TMPRSS15: variants seen among roughly 807,000 people sequenced by gnomAD.
TMPRSS15 encodes enteropeptidase.
Under a neutral mutation model 125.3 loss-of-function variants are expected in TMPRSS15, and 128 were observed. The ratio of observed to expected loss-of-function variants is 1.02; its 90% CI spans 0.89 to 1.18. TMPRSS15 has a LOEUF of 1.18. Ranked by LOEUF, TMPRSS15 falls within the 50% of genes most tolerant of loss-of-function variation. The pLI, the probability that TMPRSS15 is intolerant of heterozygous loss-of-function variation, is 0.00. For missense variants in TMPRSS15, 1,283 were observed against 1,212.7 expected, an observed-to-expected ratio of 1.06 and a Z score of -0.86; for synonymous variants, 446 against 423.2, an observed-to-expected ratio of 1.05 and a Z score of -0.66.
intron 1 of TMPRSS15, among the ~76,000 whole-genome samples, chr21:18,473,315 T>A (rs1978816170): frequency 6.6e-6 from 1 of 152,160 alleles, no homozygotes; most frequent in African/African-American, 2.4e-5. Flanking sequence ...AAATCTGCAT[T>A]TGGTTATTAG....
chr21:18,399,567 G>A (rs1275336585), intron 1 of TMPRSS15, among the ~76,000 whole-genome samples: 1 of 152,072 alleles, frequency 6.6e-6, no homozygotes, highest in Non-Finnish European at 1.5e-5. Context: ...TCTTATATAG[G>A]AATCTGCATT....
chr21:18,326,686 G>C, intron 15 of TMPRSS15, 114 bp from the exon 16 acceptor site: 1 of 1,183,110 alleles, frequency 8.5e-7, no homozygotes, highest in Non-Finnish European at 1.2e-6. Context: ...TACATGGCTC[G>C]CTCATAGAGC....
intron 15 of TMPRSS15, 134 bp from the exon 16 acceptor site, chr21:18,326,706 T>C: frequency 1.1e-6 from 1 of 905,022 alleles, no homozygotes; most frequent in Admixed American, 2.0e-5. Flanking sequence ...CAGCCACAAG[T>C]AAATGAACAC....
At chr21:18,432,771 T>C (rs571991623) in intron 1 of TMPRSS15, among the ~76,000 whole-genome samples, 116 of 152,274 alleles carry the variant, frequency 7.6e-4, no homozygotes, top group Non-Finnish European at 1.4e-3. Flanking sequence ...TTCTGTTGTT[T>C]AAAGCCACCA....
chr21:18,402,544 A>AG (rs1476579512), intron 1 of TMPRSS15, among the ~76,000 whole-genome samples: 8 of 151,492 alleles, frequency 5.3e-5, no homozygotes, highest in Admixed American at 4.6e-4. Context: ...AAAAAAAAAA[A>AG]AGAGAGAATT....
chr21:18,353,090 G>C (rs2075587666), intron 9 of TMPRSS15, 38 bp from the exon 10 acceptor site: 1 of 1,573,382 alleles, frequency 6.4e-7, no homozygotes, highest in Non-Finnish European at 8.7e-7. Flanking sequence ...AAAAAATTTA[G>C]TCCATAATGT....
At chr21:18,441,311 C>CA (rs1012690832) in intron 1 of TMPRSS15, among the ~76,000 whole-genome samples, 1 of 122,360 alleles carries the variant, frequency 8.2e-6, no homozygotes, top group Admixed American at 8.3e-5. Flanking sequence ...AAAACAAAAC[C>CA]AAAAAAACAA....
chr21:18,407,448 C>CTT (rs201740388), upstream of TMPRSS15, among the ~76,000 whole-genome samples: 9,966 of 132,654 alleles, frequency 0.075, 455 homozygotes, highest in African/African-American at 0.12. Context: ...TTTTTCTTTT[C>CTT]TTTTTTTTTT....
chr21:18,413,933 TA>T (rs934198283), intron 1 of TMPRSS15, among the ~76,000 whole-genome samples: 13 of 152,210 alleles, frequency 8.5e-5, no homozygotes, highest in African/African-American at 2.6e-4. Context: ...ATAATGCACT[TA>T]AAAAAATAAT....
rs2075150488 is a variant in TMPRSS15 at position 18,315,260 on chromosome 21, T to C, written c.1922-4A>G. 12 of 1,606,322 alleles carry C rather than the reference T, an allele frequency of 7.5e-6. No homozygotes were observed. Among genetic ancestry groups the C allele is most frequent in the Non-Finnish European group, 1.0e-5 (12 of 1,173,902 alleles). The stretch of plus-strand genomic sequence containing the variant: ...AAATGGTCTGCCTTGCATGGCTCTA[T>C]GGGGAAAGAATGTTTATTGTATAGG... On this transcript the variant is annotated splice_polypyrimidine_tract_variant and splice_region_variant and intron_variant, in intron 16 of 24. Transcript: ENST00000284885.
chr21:18,414,279 AATC>A (rs1389014600), intron 1 of TMPRSS15, among the ~76,000 whole-genome samples: 1 of 152,148 alleles, frequency 6.6e-6, no homozygotes, highest in African/African-American at 2.4e-5. Context: ...TCATCACCAT[AATC>A]AAGGAATAGA....
intron 9 of TMPRSS15, among the ~76,000 whole-genome samples, chr21:18,353,294 T>C (rs2075589782): frequency 6.6e-6 from 1 of 151,848 alleles, no homozygotes; most frequent in Non-Finnish European, 1.5e-5. Context: ...TTAGCAAATA[T>C]AAGTTTCTCA....
chr21:18,415,738 G>A (rs148863979), intron 1 of TMPRSS15, among the ~76,000 whole-genome samples: 184 of 152,052 alleles, frequency 1.2e-3, no homozygotes, highest in African/African-American at 4.1e-3. Context: ...GTACCATACT[G>A]TTTTAATTAC....
chr21:18,380,152 C>A (rs2075877841), intron 4 of TMPRSS15, among the ~76,000 whole-genome samples: 1 of 144,838 alleles, frequency 6.9e-6, no homozygotes, highest in African/African-American at 2.6e-5. Flanking sequence ...TGATTTGGAG[C>A]CGTTTATGGA....
At chr21:18,413,900 T>A (rs2123177019) in intron 1 of TMPRSS15, among the ~76,000 whole-genome samples, 1 of 152,234 alleles carries the variant, frequency 6.6e-6, no homozygotes, top group African/African-American at 2.4e-5. Flanking sequence ...GCCACCTTTT[T>A]TATTTTTTGT....
At chr21:18,406,810 G>A (rs1416309642), upstream of TMPRSS15, among the ~76,000 whole-genome samples, 3 of 152,132 alleles carry the variant, frequency 2.0e-5, no homozygotes, top group Non-Finnish European at 1.5e-5. Context: ...GGGACAAGTA[G>A]ACAATGAGAT....
At chr21:18,383,207 G>T (rs1462150067) in intron 4 of TMPRSS15, among the ~76,000 whole-genome samples, 22 of 140,360 alleles carry the variant, frequency 1.6e-4, no homozygotes, top group South Asian at 9.8e-4. Flanking sequence ...GAATGCATAA[G>T]ACCCACAAAC....
At chr21:18,419,256 C>T (rs1353134923) in intron 1 of TMPRSS15, among the ~76,000 whole-genome samples, 11 of 132,750 alleles carry the variant, frequency 8.3e-5, no homozygotes, top group Admixed American at 1.7e-4. Context: ...GACGGAGTCT[C>T]GCTCTGTTAC....
chr21:18,433,663 C>CAAAAAAAAAAAAA (rs58432155), intron 1 of TMPRSS15, among the ~76,000 whole-genome samples: 37 of 62,382 alleles, frequency 5.9e-4, no homozygotes, highest in African/African-American at 7.0e-4. Flanking sequence ...GACCTTGTCT[C>CAAAAAAAAAAAAA]AAAAAAAAAA....
Sources: gnomAD v4.1 joint callset for allele counts (sites outside exome capture counted in the v4.1 genomes callset) on GRCh38, gnomAD v4.1.1 for gene constraint, MANE v1.5 for transcripts, NCBI Gene and HGNC (gene_info 2026-07-23, HGNC 2026-07-21) for gene names.